Variants in ATG5 observed in about 807,000 individuals in gnomAD.
ATG5 encodes autophagy protein 5.
Under a neutral mutation model 36.5 loss-of-function variants are expected in ATG5, and 14 were observed. The ratio of observed to expected loss-of-function variants is 0.38; its 90% CI spans 0.25 to 0.60. The LOEUF (loss-of-function observed/expected upper bound fraction) is 0.60, where lower values mean the gene tolerates loss of function less well. Ranked by LOEUF, ATG5 falls within the 20% of genes least tolerant of loss-of-function variation. The probability of loss-of-function intolerance (pLI) is 0.60; values close to 1 mark genes in which losing one functional copy is unlikely to be tolerated. For synonymous variants in ATG5, 95 were observed against 101.5 expected (o/e 0.94, Z 0.38); for missense variants, 195 against 326.7 (o/e 0.60, Z 3.11).
chr6:106,200,841 T>C (rs1053912515), intron 7 of ATG5, among the ~76,000 whole-genome samples: 73 of 152,198 alleles, frequency 4.8e-4, no homozygotes, highest in Middle Eastern at 3.4e-3. Flanking sequence ...TATAGTTTAG[T>C]AAGCATTAAT....
chr6:106,233,145 C>T (rs971476457), intron 6 of ATG5, among the ~76,000 whole-genome samples: 3 of 152,152 alleles, frequency 2.0e-5, no homozygotes, highest in African/African-American at 7.2e-5. Flanking sequence ...ACAAGGTTTC[C>T]AAACCAAAGG....
At position 106,287,676 on chromosome 6, in the gene ATG5, G is replaced by A. The variant is rs1011180837; in HGVS notation, c.315+5352C>T. On this transcript the variant is annotated intron_variant, in intron 4 of 7. Coordinates refer to ENST00000369076, the MANE Select transcript of ATG5 (RefSeq NM_004849.4). ...TTATTTAGGATTTGCAACAGAACTGGGCATTTTAAAGACCCCACTATTTTC... is the reference window on the plus strand; with the variant it reads ...TTATTTAGGATTTGCAACAGAACTGAGCATTTTAAAGACCCCACTATTTTC... Among the ~76,000 whole-genome samples, 6 of 152,082 alleles carry A rather than the reference G, an allele frequency of 3.9e-5. No homozygotes were observed. In the East Asian group the frequency reaches 5.8e-4, roughly 15 times the overall value.
chr6:106,244,091 A>AT (rs1334128601), intron 6 of ATG5, among the ~76,000 whole-genome samples: 2 of 151,620 alleles, frequency 1.3e-5, no homozygotes, highest in Non-Finnish European at 2.9e-5. Flanking sequence ...ATTTAAAAAA[A>AT]TTTTTTTGTA....
At chr6:106,190,650 A>C (rs1404309155) in intron 7 of ATG5, among the ~76,000 whole-genome samples, 1 of 152,200 alleles carries the variant, frequency 6.6e-6, no homozygotes. Flanking sequence ...GCATCTACTT[A>C]AAAGTGAACA....
At chr6:106,220,289 G>T (rs759690096) in intron 6 of ATG5, among the ~76,000 whole-genome samples, 1 of 152,060 alleles carries the variant, frequency 6.6e-6, no homozygotes, top group African/African-American at 2.4e-5. Context: ...ACAACAATAC[G>T]TAACTGTACT....
chr6:106,285,107 T>A (rs1780026184), intron 4 of ATG5, among the ~76,000 whole-genome samples: 1 of 152,196 alleles, frequency 6.6e-6, no homozygotes, highest in South Asian at 2.1e-4. Context: ...TCTATACCAA[T>A]TTCCATCTCT....
intron 6 of ATG5, among the ~76,000 whole-genome samples, chr6:106,225,983 A>C (rs1166561722): frequency 6.6e-6 from 1 of 152,262 alleles, no homozygotes; most frequent in Non-Finnish European, 1.5e-5. Flanking sequence ...ACACATGTAT[A>C]GAGCTGTGTA....
chr6:106,302,916 C>T (rs1488455764), intron 3 of ATG5, among the ~76,000 whole-genome samples: 1 of 151,950 alleles, frequency 6.6e-6, no homozygotes, highest in African/African-American at 2.4e-5. Context: ...ATTTGTAACA[C>T]TAAATGCTTG....
rs188029439 is a variant in ATG5, at chr6:106,296,020, T to C, written c.237-2914A>G. On this transcript the variant is annotated intron_variant, in intron 3 of 7. Coordinates refer to ENST00000369076, the MANE Select transcript of ATG5 (RefSeq NM_004849.4). ...TAAATACACAGAAGCTTGAACAAAG[T>C]ACATAATAAACAACTGCTGAATGCA... is the stretch of plus-strand genomic sequence containing the variant. Among the ~76,000 whole-genome samples, 3 of 152,212 alleles carry C rather than the reference T, an allele frequency of 2.0e-5. No homozygotes were observed. In the East Asian group the frequency reaches 5.8e-4, roughly 29 times the overall value.
chr6:106,261,448 T>C (rs138737680), intron 5 of ATG5, among the ~76,000 whole-genome samples: 206 of 152,330 alleles, frequency 1.4e-3, no homozygotes, highest in Admixed American at 9.9e-3. Flanking sequence ...CAGGACATAC[T>C]AGTTCTCAAG....
Position 106,292,881 on chromosome 6 carries a change from T to TATAA in ATG5, c.315+146_315+147insTTAT, listed in dbSNP as rs1371389103. 4.9e-5 allele frequency: 30 copies of TATAA among 613,802 alleles called. No homozygotes were observed. In the East Asian group the frequency reaches 5.6e-4, roughly 11 times the overall value. The allele number at this position is 613,802 out of a possible 1,614,324, so 38.0% of individuals were successfully genotyped here. A position where few individuals can be genotyped will look rare whatever the true frequency, so the allele number is the denominator to read the frequency against. On this transcript the variant is annotated intron_variant, in intron 4 of 7. Transcript: ENST00000369076. ...AGTTAGGAAAAAATTGAAAAGTATC[T>TATAA]TATAGACAAATACTAATCGAAGCTT...
chr6:106,259,633 A>G (rs920148029), intron 5 of ATG5, among the ~76,000 whole-genome samples: 1 of 151,720 alleles, frequency 6.6e-6, no homozygotes, highest in Non-Finnish European at 1.5e-5. Flanking sequence ...CCTTTCTTAC[A>G]TTCTAGGTAG....
At chr6:106,214,797 G>A (rs1385104313) in intron 6 of ATG5, among the ~76,000 whole-genome samples, 1 of 152,100 alleles carries the variant, frequency 6.6e-6, no homozygotes, top group East Asian at 1.9e-4. Flanking sequence ...TCAATTTGAT[G>A]CTTGTTATAA....
chr6:106,196,464 A>C (rs1276014318), intron 7 of ATG5, among the ~76,000 whole-genome samples: 1 of 152,162 alleles, frequency 6.6e-6, no homozygotes, highest in African/African-American at 2.4e-5. Flanking sequence ...TCATGCAAAA[A>C]TTAAGAGAGT....
chr6:106,242,170 G>A (rs1284451766), intron 6 of ATG5, among the ~76,000 whole-genome samples: 2 of 151,976 alleles, frequency 1.3e-5, no homozygotes, highest in African/African-American at 4.8e-5. Flanking sequence ...ATAGAAGACA[G>A]GGTTTCACCA....
At chr6:106,269,943 C>CT (rs1179166321) in intron 5 of ATG5, among the ~76,000 whole-genome samples, 1 of 152,242 alleles carries the variant, frequency 6.6e-6, no homozygotes, top group Non-Finnish European at 1.5e-5. Context: ...GCTGTGAGGA[C>CT]TGCCAGCACG....
chr6:106,251,540 T>C (rs900007369), intron 5 of ATG5, among the ~76,000 whole-genome samples: 1 of 146,518 alleles, frequency 6.8e-6, no homozygotes, highest in African/African-American at 2.5e-5. Context: ...AAAAAATCTG[T>C]ATTAATTGAT....
At chr6:106,214,596 TTA>T (rs1776971252) in intron 6 of ATG5, among the ~76,000 whole-genome samples, 1 of 152,174 alleles carries the variant, frequency 6.6e-6, no homozygotes, top group South Asian at 2.1e-4. Context: ...GGTTTGGAGT[TTA>T]TGTTTTGTCT....
chr6:106,208,514 T>C (rs1776726212), intron 6 of ATG5, among the ~76,000 whole-genome samples: 4 of 151,786 alleles, frequency 2.6e-5, no homozygotes, highest in Admixed American at 2.6e-4. Context: ...TCCAGAATCA[T>C]GAAATTCAGA....
Sources: gnomAD v4.1 joint callset for allele counts (sites outside exome capture counted in the v4.1 genomes callset) on GRCh38, gnomAD v4.1.1 for gene constraint, MANE v1.5 for transcripts, NCBI Gene and HGNC (gene_info 2026-07-23, HGNC 2026-07-21) for gene names.